The following DCN variants were observed in gnomAD, a reference collection of about 807,000 sequenced individuals.
DCN encodes the protein decorin.
A neutral mutation model predicts 36.5 loss-of-function variants in DCN; 17 were observed. The observed-to-expected ratio is 0.47, with a 90% confidence interval of 0.32 to 0.70. The LOEUF is 0.70. Ranked by LOEUF, DCN falls within the 30% of genes least tolerant of loss-of-function variation. The probability of loss-of-function intolerance (pLI) is 0.04; values close to 1 mark genes in which losing one functional copy is unlikely to be tolerated. For synonymous variants in DCN, 163 were observed against 161.4 expected (o/e 1.01, Z -0.07); for missense variants, 389 against 430.1 (o/e 0.90, Z 0.84).
intron 3 of DCN, among the ~76,000 whole-genome samples, chr12:91,162,230 C>T (rs1433761177): frequency 2.0e-5 from 3 of 152,192 alleles, no homozygotes; most frequent in African/African-American, 4.8e-5. Context: ...TGAGCCACTG[C>T]ACCCGGCCTT....
At position 91,144,164 on chromosome 12, in the gene DCN, G is replaced by GTTA. The variant is rs1339009797; in HGVS notation, c.*1893_*1894insTAA. The stretch of plus-strand genomic sequence containing the variant: ...ATATCATTCAAGGCTATAACATGGA[G>GTTA]TGTGCATCATTGAAGGCTACAACAT... On this transcript the variant is annotated 3_prime_UTR_variant, in exon 8 of 8. Transcript: ENST00000052754. 6.6e-6 allele frequency: 1 copy of GTTA among 152,146 alleles called. No individual in the cohort carries two copies. Among genetic ancestry groups the GTTA allele is most frequent in the Non-Finnish European group, 1.5e-5 (1 of 68,034 alleles). The allele number at this position is 152,146 out of a possible 1,614,324, so 9.4% of individuals were successfully genotyped here. A position where few individuals can be genotyped will look rare whatever the true frequency, so the allele number is the denominator to read the frequency against.
intron 3 of DCN, among the ~76,000 whole-genome samples, chr12:91,159,109 A>G (rs1051277495): frequency 6.6e-6 from 1 of 152,210 alleles, no homozygotes; most frequent in Admixed American, 6.5e-5. Context: ...ATATCTATGT[A>G]ATTTTTAAAT....
At chr12:91,148,881 A>T (rs1027668080) in intron 7 of DCN, among the ~76,000 whole-genome samples, 8 of 152,184 alleles carry the variant, frequency 5.3e-5, no homozygotes, top group Non-Finnish European at 8.8e-5. Context: ...TTAAAGTGAA[A>T]GCAACACTTA....
rs1357855520 is a variant in DCN at position 91,153,052 on chromosome 12, C to G, written c.746+44G>C. On this transcript the variant is annotated intron_variant, in intron 6 of 7. Coordinates refer to ENST00000052754, the MANE Select transcript of DCN (RefSeq NM_001920.5). Reference sequence around the variant, plus strand: ...TTCTTATCATATAAGCACTAATATACCTAGCCATTGTTCTGATAGAATGTC... The same window carrying G: ...TTCTTATCATATAAGCACTAATATAGCTAGCCATTGTTCTGATAGAATGTC... The G allele has an allele frequency of 4.9e-6, 5 of 1,010,296 alleles. No homozygotes were observed. The African/African-American group carries it at 6.3e-5, about 13-fold the overall frequency. The allele number at this position is 1,010,296 out of a possible 1,614,324, so 62.6% of individuals were successfully genotyped here.
intron 7 of DCN, among the ~76,000 whole-genome samples, chr12:91,149,152 T>C (rs1168153484): frequency 6.6e-6 from 1 of 151,270 alleles, no homozygotes; most frequent in Non-Finnish European, 1.5e-5. Context: ...GAAAAAAAAA[T>C]GTAATCAAAT....
In DCN at chr12:91,145,520, C is replaced by A. The variant is rs1395481596; in HGVS notation, c.*538G>T. The A allele has an allele frequency of 3.6e-5, 6 of 168,590 alleles. No individual in the cohort carries two copies. Among genetic ancestry groups the A allele is most frequent in the Non-Finnish European group, 7.7e-5 (6 of 77,614 alleles). 10.4% of individuals were successfully genotyped at this position (168,590 alleles called of 1,614,324 possible). ...GAATATTAACAATTAAGCTTGTATA[C>A]AATAGTAATTTTGAATGTATTTTTA... On this transcript the variant is annotated 3_prime_UTR_variant, in exon 8 of 8. Coordinates refer to ENST00000052754, the MANE Select transcript of DCN (RefSeq NM_001920.5).
intron 2 of DCN, among the ~76,000 whole-genome samples, chr12:91,174,397 A>G (rs1048241271): frequency 7.2e-5 from 11 of 152,172 alleles, no homozygotes; most frequent in Admixed American, 2.0e-4. Flanking sequence ...TTCAATGAGT[A>G]TAATATGATA....
At chr12:91,150,859 A>T (rs1162945683) in intron 7 of DCN, 1 of 152,270 alleles carries the variant, frequency 6.6e-6, no homozygotes. Context: ...CACATCAATG[A>T]TAGACTGGAT....
chr12:91,144,209 G>C lies in DCN; in HGVS notation c.*1849C>G, dbSNP rs549109168. ...CAACATGAAGGGTGCGTCACTCAAGGCTACACCATAAAGGGTGAATCATTC... is the reference window on the plus strand; with the variant it reads ...CAACATGAAGGGTGCGTCACTCAAGCCTACACCATAAAGGGTGAATCATTC... On this transcript the variant is annotated 3_prime_UTR_variant, in exon 8 of 8. Coordinates refer to ENST00000052754, the MANE Select transcript of DCN (RefSeq NM_001920.5). 1.3e-5 allele frequency: 2 copies of C among 152,224 alleles called. No homozygotes were observed. The highest frequency in any genetic ancestry group is 6.6e-5 in the Admixed American group (1 of 15,264). 9.4% of individuals were successfully genotyped at this position (152,224 alleles called of 1,614,324 possible). A position where few individuals can be genotyped will look rare whatever the true frequency, so the allele number is the denominator to read the frequency against.
chr12:91,160,371 T>A (rs763203657), intron 3 of DCN, among the ~76,000 whole-genome samples: 1 of 151,838 alleles, frequency 6.6e-6, no homozygotes, highest in Non-Finnish European at 1.5e-5. Flanking sequence ...AAAATCTGTA[T>A]TATGTTAAAT....
intron 5 of DCN, among the ~76,000 whole-genome samples, chr12:91,155,615 G>GATCTATCTATCTATCT (rs3990009): frequency 2.1e-4 from 31 of 150,360 alleles, no homozygotes; most frequent in African/African-American, 4.7e-4. Context: ...ATTTTAATAA[G>GATCTATCTATCTATCT]ATCTATCTAT....
intron 2 of DCN, chr12:91,177,764 T>G: frequency 1.4e-6 from 1 of 691,190 alleles, no homozygotes; most frequent in Non-Finnish European, 2.6e-6. Flanking sequence ...GCAGCTGGAT[T>G]ACAAAATGTC....
chr12:91,170,328 AC>A (rs1392248329), intron 2 of DCN, among the ~76,000 whole-genome samples: 16 of 152,108 alleles, frequency 1.1e-4, no homozygotes, highest in African/African-American at 3.6e-4. Context: ...CTGTACAATT[AC>A]TATGCATATT....
At chr12:91,182,578 T>C (rs1178890858) in intron 1 of DCN, 77 bp downstream of exon 1, 2 of 151,932 alleles carry the variant, frequency 1.3e-5, no homozygotes, top group Non-Finnish European at 2.9e-5. Context: ...TCTCACCAAA[T>C]AATCCCTTTT....
intron 2 of DCN, among the ~76,000 whole-genome samples, chr12:91,166,729 C>T (rs1882597913): frequency 6.6e-6 from 1 of 152,074 alleles, no homozygotes; most frequent in Admixed American, 6.5e-5. Flanking sequence ...TTTTATAACA[C>T]TAGGAACTAC....
At chr12:91,167,700 ATCT>A (rs1882667247) in intron 2 of DCN, among the ~76,000 whole-genome samples, 1 of 152,180 alleles carries the variant, frequency 6.6e-6, no homozygotes, top group Non-Finnish European at 1.5e-5. Flanking sequence ...AGGCAGTCTA[ATCT>A]TCTCATTTCA....
intron 2 of DCN, among the ~76,000 whole-genome samples, chr12:91,169,452 G>C (rs1293379860): frequency 6.7e-6 from 1 of 150,212 alleles, no homozygotes; most frequent in Non-Finnish European, 1.5e-5. Context: ...ACTTCATCTG[G>C]ATCCTGACTC....
chr12:91,151,702 G>A lies in DCN; in HGVS notation c.837C>T (p.Asn279=), dbSNP rs918986564. 2 of 1,613,974 alleles carry A rather than the reference G, an allele frequency of 1.2e-6. No individual in the cohort carries two copies. Among genetic ancestry groups the A allele is most frequent in the Non-Finnish European group, 8.5e-7 (1 of 1,179,972 alleles). The change falls in exon 7 of 8, where the codon AAC becomes AAT. Residue 279 remains asparagine (N), a synonymous_variant. Coordinates refer to ENST00000052754, the MANE Select transcript of DCN (RefSeq NM_001920.5). ...GCCCACCAGGTACTCTGGTAAGCTT[G>A]TTGTTGTCCAAGTGAAGCTCCCTCA... ...PHLRELHLDN[N]KLTRVPGGLA...
intron 2 of DCN, among the ~76,000 whole-genome samples, chr12:91,167,123 T>G (rs3138210): frequency 2.8e-4 from 43 of 152,076 alleles, no homozygotes; most frequent in African/African-American, 9.6e-4. Flanking sequence ...CCAGCATGAC[T>G]TTTTTTTCTG....
Sources: gnomAD v4.1 joint callset for allele counts (sites outside exome capture counted in the v4.1 genomes callset) on GRCh38, gnomAD v4.1.1 for gene constraint, MANE v1.5 for transcripts, NCBI Gene and HGNC (gene_info 2026-07-23, HGNC 2026-07-21) for gene names.